Variants in LURAP1L observed in about 807,000 individuals in gnomAD.
LURAP1L encodes the protein leucine rich adaptor protein 1 like, also known as leucine rich adaptor protein 1-like.
In LURAP1L, 12 loss-of-function variants were observed where a neutral mutation model predicts 13.8. The ratio of observed to expected loss-of-function variants is 0.87; its 90% CI spans 0.56 to 1.41. LURAP1L has a LOEUF of 1.41. Among genes scored for constraint, LURAP1L ranks in the 40% most tolerant of loss-of-function variants. LURAP1L has a pLI of 0.00. For missense variants in LURAP1L, 375 were observed against 292.9 expected, an observed-to-expected ratio of 1.28 and a Z score of -2.04; for synonymous variants, 139 against 119.2, an observed-to-expected ratio of 1.17 and a Z score of -1.08.
At position 12,802,201 on chromosome 9, in the gene LURAP1L, T is replaced by A. The variant is rs1339139030; in HGVS notation, c.313-19185T>A. Among the ~76,000 whole-genome samples, 53 of 152,184 alleles carry A rather than the reference T, an allele frequency of 3.5e-4. 1 individual carries two copies. Among genetic ancestry groups the A allele is most frequent in the Non-Finnish European group, 2.9e-5 (2 of 68,030 alleles). ...CCCACACTAAAGAATAGGCCTGAGA[T>A]GCTAATAAAGCCTCTAAGCTATTTT... On this transcript the variant is annotated intron_variant, in intron 1 of 1. Coordinates refer to ENST00000319264, the MANE Select transcript of LURAP1L (RefSeq NM_203403.2).
chr9:12,794,708 A>G (rs1819489122), intron 1 of LURAP1L, among the ~76,000 whole-genome samples: 1 of 152,060 alleles, frequency 6.6e-6, no homozygotes, highest in South Asian at 2.1e-4. Flanking sequence ...TTGTTGAGCA[A>G]CTGAGACAGA....
At position 12,822,090 on chromosome 9, in the gene LURAP1L, T is replaced by C. The variant is rs868358434; in HGVS notation, c.*330T>C. Reference sequence around the variant, plus strand: ...ATGGGTCAGGGATTACAAGAAAAACTTTGCTAAATTTTACAATAAACCAAA... The same window carrying C: ...ATGGGTCAGGGATTACAAGAAAAACCTTGCTAAATTTTACAATAAACCAAA... On this transcript the variant is annotated 3_prime_UTR_variant, in exon 2 of 2. Coordinates refer to ENST00000319264, the MANE Select transcript of LURAP1L (RefSeq NM_203403.2). The C allele has an allele frequency of 2.0e-5, 4 of 203,948 alleles. No homozygotes were observed. The South Asian group carries it at 5.1e-4, about 26-fold the overall frequency. 12.6% of individuals were successfully genotyped at this position (203,948 alleles called of 1,614,324 possible). A position where few individuals can be genotyped will look rare whatever the true frequency, so the allele number is the denominator to read the frequency against.
At chr9:12,776,120 G>A in intron 1 of LURAP1L, 93 bp downstream of exon 1, 4 of 1,308,032 alleles carry the variant, frequency 3.1e-6, no homozygotes, top group Non-Finnish European at 1.1e-6. Flanking sequence ...AGGACGGCAG[G>A]GGCTGCAGAG....
intron 1 of LURAP1L, among the ~76,000 whole-genome samples, chr9:12,804,186 A>G (rs1244023300): frequency 6.6e-6 from 1 of 152,164 alleles, no homozygotes; most frequent in East Asian, 1.9e-4. Context: ...AAGGAGTTGA[A>G]GGCTTAGGGA....
At chr9:12,804,651 T>G (rs958023612) in intron 1 of LURAP1L, among the ~76,000 whole-genome samples, 19 of 152,158 alleles carry the variant, frequency 1.2e-4, no homozygotes, top group African/African-American at 4.6e-4. Flanking sequence ...TCCTCTGTTA[T>G]TTGATTCTAT....
Position 12,791,258 on chromosome 9 carries a change from T to A in LURAP1L, c.312+15231T>A, listed in dbSNP as rs1819436900. On this transcript the variant is annotated intron_variant, in intron 1 of 1. Transcript: ENST00000319264. Reference sequence around the variant, plus strand: ...AATCGACCTGTTTTTCTCTTTGTGATTTGAAAACAGATCCAAAATATGAAA... The same window carrying A: ...AATCGACCTGTTTTTCTCTTTGTGAATTGAAAACAGATCCAAAATATGAAA... Among the ~76,000 whole-genome samples the A allele has an allele frequency of 4.6e-5, 7 of 152,282 alleles. No homozygotes were observed. In the South Asian group the frequency reaches 1.5e-3, roughly 32 times the overall value.
chr9:12,778,482 A>G (rs994461117), intron 1 of LURAP1L, among the ~76,000 whole-genome samples: 3 of 152,214 alleles, frequency 2.0e-5, no homozygotes, highest in Admixed American at 2.0e-4. Context: ...CAAAAACAGT[A>G]AGGATGCTGG....
At chr9:12,804,379 G>A (rs1586883607) in intron 1 of LURAP1L, among the ~76,000 whole-genome samples, 1 of 141,808 alleles carries the variant, frequency 7.1e-6, no homozygotes, top group Non-Finnish European at 1.5e-5. Flanking sequence ...AAGTCTCGCT[G>A]TGTCAGCCAG....
intron 1 of LURAP1L, among the ~76,000 whole-genome samples, chr9:12,787,242 C>A (rs1398982788): frequency 6.6e-6 from 1 of 151,976 alleles, no homozygotes; most frequent in East Asian, 1.9e-4. Context: ...TTATCTATAC[C>A]TTAGCTGTAA....
In LURAP1L at chr9:12,813,113, G is replaced by A. The variant is rs549459828; in HGVS notation, c.313-8273G>A. On this transcript the variant is annotated intron_variant, in intron 1 of 1. Transcript: ENST00000319264. ...CTTATTACAAAATGCAATCAATTAA[G>A]TAAAGCCTTCATTCCGTACCTCCTC... Among the ~76,000 whole-genome samples the A allele has an allele frequency of 3.2e-4, 49 of 152,240 alleles. 2 individuals carry two copies. In the South Asian group the frequency reaches 5.6e-3, roughly 17 times the overall value.
intron 1 of LURAP1L, among the ~76,000 whole-genome samples, chr9:12,796,756 A>ATGT (rs1819516527): frequency 6.6e-6 from 1 of 152,062 alleles, no homozygotes; most frequent in Non-Finnish European, 1.5e-5. Context: ...GCAAAGAAGC[A>ATGT]GATTAAGCAT....
rs775641993 is a variant in LURAP1L, at chr9:12,821,771, T to C, written c.*11T>C. On this transcript the variant is annotated 3_prime_UTR_variant, in exon 2 of 2. Coordinates refer to ENST00000319264, the MANE Select transcript of LURAP1L (RefSeq NM_203403.2). ...TACTGCTTTGGCTAGTGACAGTTTTTTGCATGGGACTGGTGTGCAATGAAC... is the reference window on the plus strand; with the variant it reads ...TACTGCTTTGGCTAGTGACAGTTTTCTGCATGGGACTGGTGTGCAATGAAC... 12 of 1,605,654 alleles carry C rather than the reference T, an allele frequency of 7.5e-6. No individual in the cohort carries two copies. Among genetic ancestry groups the C allele is most frequent in the Non-Finnish European group, 1.0e-5 (12 of 1,173,650 alleles).
intron 1 of LURAP1L, among the ~76,000 whole-genome samples, chr9:12,776,307 G>A (rs1340591645): frequency 1.3e-5 from 2 of 152,146 alleles, no homozygotes; most frequent in Non-Finnish European, 2.9e-5. Context: ...CACTGCGCCG[G>A]GCTCTATTTA....
chr9:12,794,828 A>G (rs1819490656), intron 1 of LURAP1L, among the ~76,000 whole-genome samples: 1 of 151,742 alleles, frequency 6.6e-6, no homozygotes, highest in South Asian at 2.1e-4. Context: ...AAGTGACTAA[A>G]GATATGTTTT....
intron 1 of LURAP1L, chr9:12,777,617 T>A (rs1819207770): frequency 1.0e-6 from 1 of 955,900 alleles, no homozygotes; most frequent in South Asian, 4.8e-5. Flanking sequence ...ACATCAAAGA[T>A]AATACTGTCA....
chr9:12,820,271 G>A (rs963495482), intron 1 of LURAP1L, among the ~76,000 whole-genome samples: 1 of 151,990 alleles, frequency 6.6e-6, no homozygotes, highest in Non-Finnish European at 1.5e-5. Flanking sequence ...TTGGGAGGCC[G>A]AGGCGGGCGG....
intron 1 of LURAP1L, among the ~76,000 whole-genome samples, chr9:12,811,969 A>G (rs1286871158): frequency 6.6e-6 from 1 of 152,096 alleles, no homozygotes; most frequent in Non-Finnish European, 1.5e-5. Flanking sequence ...CGACAGGTCT[A>G]TGTCCTTGCT....
At chr9:12,814,361 G>C (rs1204106866) in intron 1 of LURAP1L, 1 of 152,188 alleles carries the variant, frequency 6.6e-6, no homozygotes, top group African/African-American at 2.4e-5. Context: ...TGAATATGGG[G>C]AGTCCATGTT....
At chr9:12,804,081 A>C (rs1411859258) in intron 1 of LURAP1L, among the ~76,000 whole-genome samples, 1 of 152,308 alleles carries the variant, frequency 6.6e-6, no homozygotes, top group East Asian at 1.9e-4. Flanking sequence ...TAAATTATGT[A>C]TTTAATAAAT....
Sources: allele counts gnomAD v4.1 joint callset (sites outside exome capture counted in the v4.1 genomes callset), GRCh38; gene constraint gnomAD v4.1.1; transcripts MANE v1.5; gene names NCBI Gene and HGNC (gene_info 2026-07-23, HGNC 2026-07-21).